SIPA1L1: variants seen among roughly 807,000 people sequenced by gnomAD.
SIPA1L1 encodes signal-induced proliferation-associated 1-like protein 1.
Under a neutral mutation model 162.7 loss-of-function variants are expected in SIPA1L1, and 26 were observed. The ratio of observed to expected loss-of-function variants is 0.16; its 90% CI spans 0.12 to 0.22. The LOEUF is 0.22. Ranked by LOEUF, SIPA1L1 falls within the 10% of genes least tolerant of loss-of-function variation. The pLI, the probability that SIPA1L1 is intolerant of heterozygous loss-of-function variation, is 1.00. For synonymous variants in SIPA1L1, 829 were observed against 837.4 expected (o/e 0.99, Z 0.17); for missense variants, 1,874 against 2,241.0 (o/e 0.84, Z 3.31).
intron 2 of SIPA1L1, among the ~76,000 whole-genome samples, chr14:71,360,785 AC>A (rs1459749878): frequency 6.6e-6 from 1 of 152,226 alleles, no homozygotes; most frequent in Non-Finnish European, 1.5e-5. Flanking sequence ...TTTTAAAGAA[AC>A]TGAAATGAGG....
intron 2 of SIPA1L1, among the ~76,000 whole-genome samples, chr14:71,362,471 T>C (rs1306036559): frequency 6.6e-6 from 1 of 152,182 alleles, no homozygotes; most frequent in Non-Finnish European, 1.5e-5. Flanking sequence ...CACCAGCCAA[T>C]TGGCTGACTC....
At chr14:71,439,823 A>G (rs761963553) in intron 2 of SIPA1L1, among the ~76,000 whole-genome samples, 4 of 152,202 alleles carry the variant, frequency 2.6e-5, no homozygotes, top group Non-Finnish European at 2.9e-5. Context: ...CATCTATTCA[A>G]ACTTTAACTT....
chr14:71,446,297 T>G (rs1186394245), intron 2 of SIPA1L1, among the ~76,000 whole-genome samples: 1 of 152,238 alleles, frequency 6.6e-6, no homozygotes, highest in East Asian at 1.9e-4. Flanking sequence ...TCTTTTACTC[T>G]TTTTCTATGC....
At chr14:71,680,017 A>G (rs912205781) in intron 12 of SIPA1L1, among the ~76,000 whole-genome samples, 2 of 151,990 alleles carry the variant, frequency 1.3e-5, no homozygotes, top group Admixed American at 6.5e-5. Flanking sequence ...AACATTAGAC[A>G]GATCGAGACA....
chr14:71,480,093 T>G (rs1223655854), intron 2 of SIPA1L1, among the ~76,000 whole-genome samples: 1 of 151,654 alleles, frequency 6.6e-6, no homozygotes, highest in Non-Finnish European at 1.5e-5. Context: ...TTTTTTGTTT[T>G]TTTTTTTGAG....
intron 2 of SIPA1L1, among the ~76,000 whole-genome samples, chr14:71,410,156 A>T (rs1034699305): frequency 3.9e-5 from 6 of 152,194 alleles, no homozygotes; most frequent in African/African-American, 1.4e-4. Flanking sequence ...CAATGACAAT[A>T]CTGTATTTAA....
chr14:71,524,258 A>G (rs981054764), intron 3 of SIPA1L1, among the ~76,000 whole-genome samples: 1 of 152,148 alleles, frequency 6.6e-6, no homozygotes, highest in Non-Finnish European at 1.5e-5. Context: ...CTCAGTGTCT[A>G]TTATAGTCAA....
intron 10 of SIPA1L1, among the ~76,000 whole-genome samples, chr14:71,669,897 A>T (rs146121974): frequency 2.0e-4 from 30 of 152,326 alleles, no homozygotes; most frequent in African/African-American, 7.0e-4. Context: ...TATTTTCACA[A>T]GAAATAACTA....
At chr14:71,680,937 G>A (rs189043222) in intron 12 of SIPA1L1, among the ~76,000 whole-genome samples, 4 of 152,160 alleles carry the variant, frequency 2.6e-5, no homozygotes, top group Admixed American at 1.3e-4. Context: ...ATCTTGATCC[G>A]TGGGGGTGGA....
intron 19 of SIPA1L1, 25 bp from the exon 20 acceptor site, chr14:71,730,030 C>G (rs1481353782): frequency 1.2e-6 from 2 of 1,605,258 alleles, no homozygotes; most frequent in East Asian, 4.5e-5. Context: ...AATTGACTTT[C>G]TTTTGTCTTG....
intron 7 of SIPA1L1, among the ~76,000 whole-genome samples, chr14:71,633,517 A>G (rs2040815240): frequency 6.6e-6 from 1 of 152,176 alleles, no homozygotes; most frequent in African/African-American, 2.4e-5. Flanking sequence ...TCTTAGCAAA[A>G]AATTGAAGGT....
intron 2 of SIPA1L1, among the ~76,000 whole-genome samples, chr14:71,385,657 T>C (rs1021968765): frequency 6.6e-6 from 1 of 151,216 alleles, no homozygotes; most frequent in Non-Finnish European, 1.5e-5. Context: ...TAAAAAATTA[T>C]AGAGATGCTT....
At chr14:71,713,829 G>A (rs769487462) in intron 17 of SIPA1L1, among the ~76,000 whole-genome samples, 7 of 151,724 alleles carry the variant, frequency 4.6e-5, no homozygotes, top group South Asian at 2.1e-4. Context: ...AAGTTACTCC[G>A]TTGTCTTTAC....
chr14:71,685,529 C>G lies in SIPA1L1; in HGVS notation c.3272C>G (p.Ser1091Trp). ...VPSQVQSPMT[S>W]RLNAGKGDGK... is the part of the protein sequence containing the mutation. ...TCCCAGGTGCAGAGTCCCATGACCT[C>G]GCGGCTGAATGCTGGAAAAGGAGAT... The change falls in exon 13 of 24, where the codon TCG (serine) becomes TGG (tryptophan). Residue 1091 changes from serine (S) to tryptophan (W), a missense_variant. By Grantham distance (177) the Ser-to-Trp change is radical (BLOSUM62 -3). Around this residue, in one of 5 missense-constraint regions of SIPA1L1, gnomAD observed 936 missense variants for 1,051.9 expected, o/e 0.89. Coordinates refer to ENST00000381232, the MANE Select transcript of SIPA1L1 (RefSeq NM_001386936.1). 6.2e-7 allele frequency: 1 copy of G among 1,614,186 alleles called. No homozygotes were observed. The highest frequency in any genetic ancestry group is 8.5e-7 in the Non-Finnish European group (1 of 1,180,034).
At chr14:71,543,303 T>G (rs988653129) in intron 4 of SIPA1L1, among the ~76,000 whole-genome samples, 2 of 152,234 alleles carry the variant, frequency 1.3e-5, no homozygotes, top group Admixed American at 1.3e-4. Context: ...CCTTTAAGAT[T>G]TGGGTTTCTG....
At chr14:71,455,446 T>C (rs1310273775) in intron 2 of SIPA1L1, among the ~76,000 whole-genome samples, 1 of 152,206 alleles carries the variant, frequency 6.6e-6, no homozygotes, top group Non-Finnish European at 1.5e-5. Context: ...GAGTTCCATA[T>C]GATCACGAGA....
At chr14:71,729,431 T>C (rs1435707399) in intron 19 of SIPA1L1, among the ~76,000 whole-genome samples, 1 of 152,166 alleles carries the variant, frequency 6.6e-6, no homozygotes, top group Non-Finnish European at 1.5e-5. Context: ...GTTCAGTTGG[T>C]GTAAGTTAGT....
At chr14:71,725,891 T>G (rs1481623091) in intron 19 of SIPA1L1, among the ~76,000 whole-genome samples, 1 of 152,184 alleles carries the variant, frequency 6.6e-6, no homozygotes, top group East Asian at 1.9e-4. Context: ...ACCTTGAGAA[T>G]TGAATTGATT....
At chr14:71,651,954 T>C (rs941217184) in intron 8 of SIPA1L1, among the ~76,000 whole-genome samples, 9 of 152,184 alleles carry the variant, frequency 5.9e-5, no homozygotes, top group Non-Finnish European at 1.0e-4. Flanking sequence ...TTTGGAATTA[T>C]ATAATACCTT....
Sources: allele counts gnomAD v4.1 joint callset (sites outside exome capture counted in the v4.1 genomes callset), GRCh38; gene constraint gnomAD v4.1.1; regional missense constraint gnomAD v4.1.1; transcripts MANE v1.5; gene names NCBI Gene and HGNC (gene_info 2026-07-23, HGNC 2026-07-21).